The following APBA2 variants were observed in gnomAD, a reference collection of about 807,000 sequenced individuals.
The protein encoded by APBA2 is amyloid-beta A4 precursor protein-binding family A member 2.
In APBA2, 30 loss-of-function variants were observed where a neutral mutation model predicts 75.0. The observed-to-expected ratio is 0.40, with a 90% CI of 0.30 to 0.54. The LOEUF (loss-of-function observed/expected upper bound fraction) is 0.54. Ranked by LOEUF, APBA2 falls within the 20% of genes least tolerant of loss-of-function variation. The pLI, the probability that APBA2 is intolerant of heterozygous loss-of-function variation, is 0.49. For synonymous variants in APBA2, 444 were observed against 409.6 expected, an observed-to-expected ratio of 1.08 and a Z score of -1.01; for missense variants, 801 against 1,016.1, an observed-to-expected ratio of 0.79 and a Z score of 2.88.
At chr15:29,101,869 C>G (rs1324079994) in intron 10 of APBA2, 85 bp downstream of exon 10, 25 of 1,384,872 alleles carry the variant, frequency 1.8e-5, no homozygotes, top group Non-Finnish European at 2.5e-5. Flanking sequence ...GGAAACCACC[C>G]TCAGGTGGAA....
At chr15:29,004,049 T>A (rs1335725454) in intron 3 of APBA2, among the ~76,000 whole-genome samples, 2 of 152,176 alleles carry the variant, frequency 1.3e-5, no homozygotes, top group Non-Finnish European at 2.9e-5. Flanking sequence ...CATTGTCACT[T>A]CCTGTCTCCC....
chr15:28,938,407 T>C (rs1255891767), intron 2 of APBA2, among the ~76,000 whole-genome samples: 1 of 152,238 alleles, frequency 6.6e-6, no homozygotes, highest in African/African-American at 2.4e-5. Context: ...ATTTCCTGTT[T>C]GATGCTGACT....
intron 1 of APBA2, among the ~76,000 whole-genome samples, chr15:28,897,796 A>T (rs2032598265): frequency 6.6e-6 from 1 of 152,172 alleles, no homozygotes; most frequent in African/African-American, 2.4e-5. Context: ...AGCAGTCTCA[A>T]TCCAAATGAA....
chr15:28,934,912 G>A (rs759915154), intron 2 of APBA2, among the ~76,000 whole-genome samples: 11 of 152,320 alleles, frequency 7.2e-5, no homozygotes, highest in Admixed American at 2.6e-4. Context: ...GATAGAGCCC[G>A]GAGACCTGGG....
chr15:28,907,888 C>G (rs538349130), intron 1 of APBA2, among the ~76,000 whole-genome samples: 4 of 152,012 alleles, frequency 2.6e-5, no homozygotes, highest in Non-Finnish European at 4.4e-5. Context: ...TTAAAGGGGC[C>G]TGCCCAAGTT....
At chr15:28,911,883 A>G (rs1418792288) in intron 1 of APBA2, among the ~76,000 whole-genome samples, 1 of 152,250 alleles carries the variant, frequency 6.6e-6, no homozygotes, top group Non-Finnish European at 1.5e-5. Context: ...ATGAGGCTGC[A>G]TATTTGCAGT....
chr15:29,076,618 G>A (rs1173034841), intron 6 of APBA2, among the ~76,000 whole-genome samples: 1 of 152,132 alleles, frequency 6.6e-6, no homozygotes, highest in East Asian at 1.9e-4. Flanking sequence ...TGAGCATCTG[G>A]AGACCTTGCA....
chr15:29,071,181 A>G (rs2042606288), intron 4 of APBA2: 1 of 392,132 alleles, frequency 2.6e-6, no homozygotes, highest in African/African-American at 2.1e-5. Context: ...CAAGCAGGCA[A>G]AATGAGAATT....
Position 28,893,155 on chromosome 15 carries a change from G to A in APBA2, c.-205+6877G>A, listed in dbSNP as rs144326734. 6.1e-3 allele frequency among the ~76,000 whole-genome samples: 933 copies of A among 152,318 alleles called. 7 individuals carry two copies. Among genetic ancestry groups the A allele is most frequent in the African/African-American group, 0.021 (883 of 41,562 alleles). On this transcript the variant is annotated intron_variant, in intron 1 of 14. Coordinates refer to ENST00000683413, the MANE Select transcript of APBA2 (RefSeq NM_001353788.2). ...TCCACGTGTGAGCCAGCTGTAGAGC[G>A]TCACTGCTCAGAGTTTGTCTTGACT... is the stretch of plus-strand genomic sequence containing the variant.
intron 1 of APBA2, among the ~76,000 whole-genome samples, chr15:28,887,054 G>A (rs1221724590): frequency 6.6e-6 from 1 of 152,266 alleles, no homozygotes; most frequent in African/African-American, 2.4e-5. Flanking sequence ...CGCCTGCCGA[G>A]GACCGCCGTG....
chr15:28,929,087 T>C (rs2034429618), intron 2 of APBA2, among the ~76,000 whole-genome samples: 1 of 152,200 alleles, frequency 6.6e-6, no homozygotes, highest in South Asian at 2.1e-4. Context: ...GAGTGATGAC[T>C]TCCAAGTTCT....
At chr15:29,089,994 G>A (rs552043317) in intron 6 of APBA2, among the ~76,000 whole-genome samples, 9 of 152,244 alleles carry the variant, frequency 5.9e-5, no homozygotes, top group Non-Finnish European at 1.2e-4. Flanking sequence ...TGGGTTCTGC[G>A]TTTCCTGCGG....
chr15:28,997,256 G>A (rs886593798), intron 3 of APBA2, among the ~76,000 whole-genome samples: 2 of 152,168 alleles, frequency 1.3e-5, no homozygotes, highest in African/African-American at 2.4e-5. Flanking sequence ...ATCAGCCCTC[G>A]TCCATGAAAC....
chr15:28,951,315 C>A (rs949528189), intron 2 of APBA2, among the ~76,000 whole-genome samples: 14 of 152,168 alleles, frequency 9.2e-5, no homozygotes, highest in Non-Finnish European at 1.8e-4. Flanking sequence ...GATAACCAAT[C>A]CCTTACAGAT....
At chr15:29,087,036 A>T (rs1160213385) in intron 6 of APBA2, among the ~76,000 whole-genome samples, 1 of 152,090 alleles carries the variant, frequency 6.6e-6, no homozygotes, top group Non-Finnish European at 1.5e-5. Context: ...TTAGACTCCC[A>T]TATCTCCATC....
rs558640659 is a variant in APBA2 at position 28,991,216 on chromosome 15, A to G, written c.-94-4537A>G. On this transcript the variant is annotated intron_variant, in intron 2 of 14. Coordinates refer to ENST00000683413, the MANE Select transcript of APBA2 (RefSeq NM_001353788.2). This position sits in a 1 kb window ranked among gnomAD's most constrained non-coding sequence, Gnocchi z 4.7. ...ACCATCTCTGTGTGTCCCATCAGGAAGCAACAGACAACTCCCTAAGCCCCA... is the reference window on the plus strand; with the variant it reads ...ACCATCTCTGTGTGTCCCATCAGGAGGCAACAGACAACTCCCTAAGCCCCA... 6.6e-6 allele frequency among the ~76,000 whole-genome samples: 1 copy of G among 152,184 alleles called. No homozygotes were observed. The highest frequency in any genetic ancestry group is 1.5e-5 in the Non-Finnish European group (1 of 68,026).
At chr15:29,065,848 A>G (rs1357828976) in intron 4 of APBA2, among the ~76,000 whole-genome samples, 2 of 152,098 alleles carry the variant, frequency 1.3e-5, no homozygotes, top group African/African-American at 4.8e-5. Flanking sequence ...CTGGGTGCTG[A>G]CTCACTTCTG....
intron 3 of APBA2, among the ~76,000 whole-genome samples, chr15:29,038,292 C>G (rs2040847105): frequency 6.6e-6 from 1 of 152,226 alleles, no homozygotes; most frequent in African/African-American, 2.4e-5. Flanking sequence ...GGGAAATCCC[C>G]TTTTCTGGCT....
At chr15:29,045,103 C>CTCTCTCTT (rs57446098) in intron 3 of APBA2, among the ~76,000 whole-genome samples, 2,308 of 140,320 alleles carry the variant, frequency 0.016, 67 homozygotes, top group South Asian at 0.023. Flanking sequence ...CTCTCTCTCT[C>CTCTCTCTT]GTCTCGCACT....
Sources: allele counts gnomAD v4.1 joint callset (sites outside exome capture counted in the v4.1 genomes callset), GRCh38; gene constraint gnomAD v4.1.1; non-coding constraint Gnocchi (gnomAD v3.1); transcripts MANE v1.5; gene names NCBI Gene and HGNC (gene_info 2026-07-23, HGNC 2026-07-21).